ATP6V1D: variants seen among roughly 807,000 people sequenced by gnomAD.
The protein encoded by ATP6V1D is ATPase H+ transporting V1 subunit D, also known as V-type proton ATPase subunit D.
Under a neutral mutation model 39.4 loss-of-function variants are expected in ATP6V1D, and 20 were observed. The ratio of observed to expected loss-of-function variants is 0.51; its 90% CI spans 0.36 to 0.74. The LOEUF (loss-of-function observed/expected upper bound fraction) is 0.74. Among genes scored for constraint, ATP6V1D ranks in the 30% least tolerant of loss-of-function variants. The pLI is 0.00. For synonymous variants in ATP6V1D, 100 were observed against 100.5 expected (o/e 0.99, Z 0.03); for missense variants, 228 against 291.6 (o/e 0.78, Z 1.59).
intron 6 of ATP6V1D, among the ~76,000 whole-genome samples, chr14:67,344,681 C>G (rs1211995370): frequency 1.3e-5 from 2 of 151,782 alleles, no homozygotes; most frequent in African/African-American, 4.8e-5. Flanking sequence ...GAGTTTGAGA[C>G]CAGCCTGGGC....
chr14:67,354,896 C>A (rs2085675756), intron 1 of ATP6V1D, among the ~76,000 whole-genome samples: 1 of 152,184 alleles, frequency 6.6e-6, no homozygotes, highest in Admixed American at 6.5e-5. Context: ...TCACTGCAAC[C>A]TCTGCCTCCC....
intron 6 of ATP6V1D, among the ~76,000 whole-genome samples, chr14:67,345,454 C>T (rs1479168130): frequency 1.3e-5 from 2 of 151,868 alleles, no homozygotes; most frequent in African/African-American, 2.4e-5. Context: ...ACTTGGGAGG[C>T]TGAGGCAGAA....
intron 6 of ATP6V1D, among the ~76,000 whole-genome samples, chr14:67,345,278 C>T (rs897194491): frequency 2.0e-5 from 3 of 151,124 alleles, no homozygotes; most frequent in African/African-American, 7.3e-5. Context: ...AAGTAGGGGC[C>T]AGGTGCAGTG....
intron 6 of ATP6V1D, among the ~76,000 whole-genome samples, 181 bp downstream of exon 6, chr14:67,345,587 G>A (rs10138755): frequency 0.15 from 22,744 of 152,108 alleles, 3,186 homozygotes; most frequent in East Asian, 0.42. Flanking sequence ...ATTTTAAAAA[G>A]TAGGGACAAT....
chr14:67,340,032 C>CAA (rs34358102), intron 8 of ATP6V1D: 16,067 of 71,506 alleles, frequency 0.22, 1,842 homozygotes, highest in East Asian at 0.49. Context: ...CTCTGTCTCA[C>CAA]AAAAAAAAAA....
chr14:67,348,897 A>G, intron 4 of ATP6V1D, 140 bp downstream of exon 4: 1 of 791,858 alleles, frequency 1.3e-6, no homozygotes, highest in Non-Finnish European at 2.0e-6. Flanking sequence ...GTTGTTAATG[A>G]TTTTAACATG....
At chr14:67,352,483 C>T (rs2085662072) in intron 2 of ATP6V1D, among the ~76,000 whole-genome samples, 1 of 150,466 alleles carries the variant, frequency 6.6e-6, no homozygotes, top group Admixed American at 6.6e-5. Context: ...TGCGGTAGTA[C>T]ATGCTACAAT....
chr14:67,341,553 G>A (rs1253455059), intron 7 of ATP6V1D, among the ~76,000 whole-genome samples: 68 of 150,796 alleles, frequency 4.5e-4, no homozygotes, highest in African/African-American at 1.6e-3. Context: ...CCCCGTCCGG[G>A]AGGGAGGTGG....
chr14:67,351,911 C>A (rs866061585), intron 2 of ATP6V1D, among the ~76,000 whole-genome samples: 5 of 128,092 alleles, frequency 3.9e-5, no homozygotes, highest in African/African-American at 3.2e-5. Context: ...GAACCTCTAC[C>A]AAAAAAAAAA....
At chr14:67,351,662 C>T (rs532372216) in intron 2 of ATP6V1D, among the ~76,000 whole-genome samples, 1 of 151,982 alleles carries the variant, frequency 6.6e-6, no homozygotes, top group African/African-American at 2.4e-5. Flanking sequence ...GTGCATGCCA[C>T]CACACTCTGC....
intron 3 of ATP6V1D, 117 bp from the exon 4 acceptor site, chr14:67,349,221 G>A (rs1345755062): frequency 1.0e-5 from 10 of 1,001,338 alleles, no homozygotes; most frequent in African/African-American, 1.6e-5. Flanking sequence ...AATTAAGTAT[G>A]TTTTGATAAC....
intron 3 of ATP6V1D, 87 bp from the exon 4 acceptor site, chr14:67,349,191 G>C: frequency 8.0e-7 from 1 of 1,242,454 alleles, no homozygotes; most frequent in Non-Finnish European, 1.1e-6. Flanking sequence ...CATTAAATGA[G>C]ACCAAGAGTG....
At position 67,338,099 on chromosome 14, in the gene ATP6V1D, C is replaced by T. The variant is rs2085553766; in HGVS notation, c.*522G>A. 6.6e-6 allele frequency: 1 copy of T among 152,632 alleles called. No individual in the cohort carries two copies. The highest frequency in any genetic ancestry group is 6.5e-5 in the Admixed American group (1 of 15,308). The allele number at this position is 152,632 out of a possible 1,614,324, so 9.5% of individuals were successfully genotyped here. ...CTTTTAAATCATTTTACTGTTTATA[C>T]CACAGTCGCATTTAAATTGGCAGAA... On this transcript the variant is annotated 3_prime_UTR_variant, in exon 9 of 9. Transcript: ENST00000216442.
chr14:67,340,119 T>A (rs2085568975), intron 8 of ATP6V1D: 1 of 237,930 alleles, frequency 4.2e-6, no homozygotes, highest in East Asian at 8.4e-5. Flanking sequence ...CAGTTACAGA[T>A]CAAACTCCTT....
At chr14:67,355,025 T>TG (rs1352704546) in intron 1 of ATP6V1D, among the ~76,000 whole-genome samples, 1 of 152,152 alleles carries the variant, frequency 6.6e-6, no homozygotes, top group Non-Finnish European at 1.5e-5. Flanking sequence ...TTGGTCAGGC[T>TG]GGTCTCGAAC....
chr14:67,339,487 T>A (rs114551826), intron 8 of ATP6V1D, among the ~76,000 whole-genome samples: 48 of 152,200 alleles, frequency 3.2e-4, no homozygotes, highest in African/African-American at 1.1e-3. Flanking sequence ...CCCCCATGCC[T>A]TTCCTAAATA....
intron 3 of ATP6V1D, 78 bp from the exon 4 acceptor site, chr14:67,349,182 A>C (rs1366803208): frequency 3.0e-6 from 4 of 1,331,678 alleles, no homozygotes; most frequent in Non-Finnish European, 4.2e-6. Flanking sequence ...TAGTTTTAAC[A>C]TTAAATGAGA....
At chr14:67,346,279 A>G (rs1224691003) in intron 5 of ATP6V1D, among the ~76,000 whole-genome samples, 3 of 152,232 alleles carry the variant, frequency 2.0e-5, no homozygotes, top group African/African-American at 7.2e-5. Flanking sequence ...CACATGAAGC[A>G]AGGAAATACA....
At position 67,337,990 on chromosome 14, in the gene ATP6V1D, C is replaced by G. The variant is rs1326196563; in HGVS notation, c.*631G>C. On this transcript the variant is annotated 3_prime_UTR_variant, in exon 9 of 9. Transcript: ENST00000216442. ...AAATAGCTACCCACTTCCTACATGT[C>G]TGCAGAGAAAGCTCTGGCTGACACT... The G allele has an allele frequency of 6.6e-6, 1 of 152,220 alleles. No homozygotes were observed. Among genetic ancestry groups the G allele is most frequent in the Non-Finnish European group, 1.5e-5 (1 of 68,050 alleles). 9.4% of individuals were successfully genotyped at this position (152,220 alleles called of 1,614,324 possible). A position where few individuals can be genotyped will look rare whatever the true frequency, so the allele number is the denominator to read the frequency against.
Sources: allele counts gnomAD v4.1 joint callset (sites outside exome capture counted in the v4.1 genomes callset), GRCh38; gene constraint gnomAD v4.1.1; transcripts MANE v1.5; gene names NCBI Gene and HGNC (gene_info 2026-07-23, HGNC 2026-07-21).